Variants in LHFPL6 observed in about 807,000 individuals in gnomAD.
LHFPL6 encodes the protein LHFPL tetraspan subfamily member 6 protein.
In LHFPL6, 9 loss-of-function variants were observed where a neutral mutation model predicts 20.6. That is an observed-to-expected ratio of 0.44 (90% CI 0.26 to 0.76). The LOEUF (loss-of-function observed/expected upper bound fraction) is 0.76. Among genes scored for constraint, LHFPL6 ranks in the 30% least tolerant of loss-of-function variants. LHFPL6 has a pLI of 0.20. For synonymous variants in LHFPL6, 105 were observed against 98.7 expected (o/e 1.06, Z -0.38); for missense variants, 218 against 253.5 (o/e 0.86, Z 0.95).
chr13:39,537,848 G>A (rs778559568), intron 2 of LHFPL6, among the ~76,000 whole-genome samples: 4 of 152,048 alleles, frequency 2.6e-5, no homozygotes, highest in Non-Finnish European at 5.9e-5. Flanking sequence ...GAAAGCAATG[G>A]AGAGTCAAGA....
intron 2 of LHFPL6, among the ~76,000 whole-genome samples, chr13:39,444,956 C>T (rs1218727230): frequency 1.3e-5 from 2 of 152,196 alleles, no homozygotes; most frequent in Non-Finnish European, 1.5e-5. Context: ...GCTGGGTGGA[C>T]TGAGCCCAGC....
At chr13:39,593,808 G>A (rs1181408736) in intron 2 of LHFPL6, among the ~76,000 whole-genome samples, 2 of 151,622 alleles carry the variant, frequency 1.3e-5, no homozygotes, top group South Asian at 2.1e-4. Flanking sequence ...CAGAAATAAC[G>A]CCGCATATCT....
chr13:39,588,381 T>C (rs973565919), intron 2 of LHFPL6, among the ~76,000 whole-genome samples: 18 of 152,350 alleles, frequency 1.2e-4, no homozygotes, highest in Middle Eastern at 6.8e-3. Context: ...TACTTGAACT[T>C]GGTATTTCCC....
chr13:39,513,315 G>T (rs1175680341), intron 2 of LHFPL6, among the ~76,000 whole-genome samples: 1 of 152,162 alleles, frequency 6.6e-6, no homozygotes, highest in Non-Finnish European at 1.5e-5. Context: ...AACAATTATT[G>T]TGTTCTAATC....
intron 2 of LHFPL6, among the ~76,000 whole-genome samples, chr13:39,514,311 C>T (rs528469614): frequency 2.0e-4 from 31 of 152,076 alleles, no homozygotes; most frequent in Non-Finnish European, 3.8e-4. Context: ...GGGTCTCTTC[C>T]GAAAGCACAC....
Position 39,601,099 on chromosome 13 carries a change from T to G in LHFPL6, c.118A>C (p.Lys40Gln), listed in dbSNP as rs1316495457. Residue 40 changes from lysine (K) to glutamine (Q), a missense_variant, in exon 2 of 4, where the codon AAG becomes CAG. Physicochemically the swap from Lys to Gln is moderately conservative, Grantham distance 53 (BLOSUM62 1). Transcript: ENST00000379589. ...PYWLWGSQLG[K>Q]PVSFGTFRRC... is the part of the protein sequence containing the mutation. ...CGGAAGGTACCGAAGGACACAGGCT[T>G]GCCCAGCTGTGATCCCCAGAGCCAG... 1 of 1,614,188 alleles carries G rather than the reference T, an allele frequency of 6.2e-7. No homozygotes were observed. The highest frequency in any genetic ancestry group is 1.7e-5 in the Admixed American group (1 of 60,028).
intron 2 of LHFPL6, among the ~76,000 whole-genome samples, chr13:39,514,269 C>T (rs183336513): frequency 1.6e-4 from 25 of 152,164 alleles, no homozygotes; most frequent in East Asian, 5.8e-4. Flanking sequence ...CAGAGAAGGG[C>T]GGGGTCACAA....
At chr13:39,401,641 G>A (rs974139893) in intron 2 of LHFPL6, among the ~76,000 whole-genome samples, 11 of 152,196 alleles carry the variant, frequency 7.2e-5, no homozygotes, top group African/African-American at 2.7e-4. Flanking sequence ...AAAGTACCAT[G>A]AGTTCTACCG....
intron 2 of LHFPL6, among the ~76,000 whole-genome samples, chr13:39,429,506 T>C (rs1279547484): frequency 6.6e-6 from 1 of 152,168 alleles, no homozygotes; most frequent in Non-Finnish European, 1.5e-5. Flanking sequence ...AAATTTAAAG[T>C]GCATTTCTTA....
At chr13:39,441,078 G>A (rs998148647) in intron 2 of LHFPL6, among the ~76,000 whole-genome samples, 5 of 151,020 alleles carry the variant, frequency 3.3e-5, no homozygotes, top group African/African-American at 1.2e-4. Flanking sequence ...GCATGAAAAT[G>A]GACTAATACA....
intron 3 of LHFPL6, 98 bp from the exon 4 acceptor site, chr13:39,344,152 T>C (rs962745810): frequency 1.2e-6 from 1 of 847,966 alleles, no homozygotes; most frequent in Non-Finnish European, 1.9e-6. Flanking sequence ...TGAAACACCC[T>C]TTAGGAATAT....
intron 2 of LHFPL6, among the ~76,000 whole-genome samples, chr13:39,468,130 T>C (rs796461522): frequency 1.3e-5 from 2 of 152,320 alleles, no homozygotes; most frequent in African/African-American, 4.8e-5. Context: ...TCCACTGCTA[T>C]CTTTTTCACC....
At chr13:39,512,807 A>G (rs893574805) in intron 2 of LHFPL6, among the ~76,000 whole-genome samples, 6 of 152,188 alleles carry the variant, frequency 3.9e-5, no homozygotes, top group Non-Finnish European at 8.8e-5. Flanking sequence ...AATCTGGGAG[A>G]AGACAAGATA....
intron 2 of LHFPL6, among the ~76,000 whole-genome samples, chr13:39,586,353 C>T (rs987566284): frequency 6.6e-6 from 1 of 152,110 alleles, no homozygotes; most frequent in Non-Finnish European, 1.5e-5. Context: ...ACATGCAGAC[C>T]AATATGCAAA....
At chr13:39,576,098 ACCAG>A (rs1872105876) in intron 2 of LHFPL6, among the ~76,000 whole-genome samples, 1 of 152,190 alleles carries the variant, frequency 6.6e-6, no homozygotes, top group African/African-American at 2.4e-5. Flanking sequence ...TCTTCCTGGG[ACCAG>A]TGGCTCTTTG....
At position 39,531,099 on chromosome 13, in the gene LHFPL6, C is replaced by A. The variant is rs552911091; in HGVS notation, c.385+69733G>T. On this transcript the variant is annotated intron_variant, in intron 2 of 3. Transcript: ENST00000379589. ...GTAATTATTTGCAAGTTAACTCATGCCAAGGTCATGAATTACAGCTAATAA... is the reference window on the plus strand; with the variant it reads ...GTAATTATTTGCAAGTTAACTCATGACAAGGTCATGAATTACAGCTAATAA... Among the ~76,000 whole-genome samples the A allele has an allele frequency of 6.6e-5, 10 of 152,290 alleles. No individual in the cohort carries two copies. In the East Asian group the frequency reaches 1.7e-3, roughly 26 times the overall value.
chr13:39,378,008 G>A (rs1870337005), intron 3 of LHFPL6, among the ~76,000 whole-genome samples: 1 of 152,134 alleles, frequency 6.6e-6, no homozygotes, highest in African/African-American at 2.4e-5. Flanking sequence ...TCACAAAGTG[G>A]CCTTATTAGA....
At chr13:39,464,941 A>AT (rs1872767038) in intron 2 of LHFPL6, among the ~76,000 whole-genome samples, 1 of 152,160 alleles carries the variant, frequency 6.6e-6, no homozygotes. Flanking sequence ...AGTGTATATT[A>AT]TATCTGGGAG....
At chr13:39,484,453 G>A (rs1003405091) in intron 2 of LHFPL6, among the ~76,000 whole-genome samples, 2 of 152,074 alleles carry the variant, frequency 1.3e-5, no homozygotes, top group African/African-American at 4.8e-5. Context: ...CAATAAACAT[G>A]ATCCTGATTT....
Sources: allele counts gnomAD v4.1 joint callset (sites outside exome capture counted in the v4.1 genomes callset), GRCh38; gene constraint gnomAD v4.1.1; transcripts MANE v1.5; gene names NCBI Gene and HGNC (gene_info 2026-07-23, HGNC 2026-07-21).